SPMIP7: variants seen among roughly 807,000 people sequenced by gnomAD.
The protein encoded by SPMIP7 is sperm microtubule inner protein 7.
At chr7:50,108,083 G>A in the SPMIP7 span, among the ~76,000 whole-genome samples, 2 of 152,120 alleles carry the variant, frequency 1.3e-5, no homozygotes, top group Non-Finnish European at 2.9e-5. Context: ...AGGACATAAA[G>A]GAAGTTCTAC....
At chr7:50,113,771 C>A in the SPMIP7 span, among the ~76,000 whole-genome samples, 118,028 of 151,866 alleles carry the variant, frequency 0.78, 45,977 homozygotes, top group East Asian at 0.88. Flanking sequence ...CACAATGACA[C>A]AAATTGTTCC....
At chr7:50,156,736 G>A in the SPMIP7 span, among the ~76,000 whole-genome samples, 1 of 151,812 alleles carries the variant, frequency 6.6e-6, no homozygotes, top group Non-Finnish European at 1.5e-5. Flanking sequence ...TCTGAGCTCT[G>A]AGTCCTGTGG....
chr7:50,137,689 A>T, the SPMIP7 span, among the ~76,000 whole-genome samples: 13 of 152,286 alleles, frequency 8.5e-5, no homozygotes, highest in African/African-American at 2.9e-4. Flanking sequence ...TTTCAGATAA[A>T]AAAAAATCCA....
At chr7:50,101,255 T>C in the SPMIP7 span, among the ~76,000 whole-genome samples, 1 of 152,228 alleles carries the variant, frequency 6.6e-6, no homozygotes, top group African/African-American at 2.4e-5. Context: ...ATTAGTCCTC[T>C]TCAGAGTCTT....
At chr7:50,130,653 G>A in the SPMIP7 span, among the ~76,000 whole-genome samples, 1 of 152,056 alleles carries the variant, frequency 6.6e-6, no homozygotes, top group Non-Finnish European at 1.5e-5. Context: ...AGGTAGAACA[G>A]GACAAGATCA....
At chr7:50,117,165 A>C in the SPMIP7 span, 1 of 440,092 alleles carries the variant, frequency 2.3e-6, no homozygotes, top group Non-Finnish European at 4.5e-6. Flanking sequence ...GCCTTACAAC[A>C]GCCTTCAGTT....
the SPMIP7 span, chr7:50,140,253 G>A: frequency 1.4e-5 from 12 of 834,906 alleles, no homozygotes; most frequent in East Asian, 6.0e-5. Flanking sequence ...TTCAGCTCAC[G>A]CATGTTGTAT....
the SPMIP7 span, among the ~76,000 whole-genome samples, chr7:50,126,853 G>A: frequency 4.0e-5 from 6 of 151,556 alleles, no homozygotes; most frequent in Non-Finnish European, 8.8e-5. Context: ...AGTAGAAAAA[G>A]GTGAAAAAGG....
the SPMIP7 span, among the ~76,000 whole-genome samples, chr7:50,131,110 A>G: frequency 6.6e-6 from 1 of 152,148 alleles, no homozygotes; most frequent in Non-Finnish European, 1.5e-5. Context: ...GGGAGAGAAG[A>G]TGGAACACCA....
chr7:50,108,859 A>G, the SPMIP7 span, among the ~76,000 whole-genome samples: 3 of 152,212 alleles, frequency 2.0e-5, no homozygotes, highest in African/African-American at 4.8e-5. Context: ...TTATCAAAGT[A>G]CAGGGGATTG....
At chr7:50,148,201 G>A in the SPMIP7 span, among the ~76,000 whole-genome samples, 6 of 152,144 alleles carry the variant, frequency 3.9e-5, no homozygotes, top group African/African-American at 9.7e-5. Context: ...GAGGACTTTC[G>A]TTTTCAAATA....
At chr7:50,144,057 G>A in the SPMIP7 span, among the ~76,000 whole-genome samples, 3 of 152,062 alleles carry the variant, frequency 2.0e-5, no homozygotes, top group Non-Finnish European at 2.9e-5. Flanking sequence ...AGGATTCTGG[G>A]GTCAGAATAT....
the SPMIP7 span, among the ~76,000 whole-genome samples, chr7:50,116,315 A>G: frequency 6.6e-6 from 1 of 152,132 alleles, no homozygotes; most frequent in Non-Finnish European, 1.5e-5. Context: ...GGGTCTCCCC[A>G]TGTTGCCCAA....
chr7:50,122,491 A>G, the SPMIP7 span, among the ~76,000 whole-genome samples: 4 of 151,346 alleles, frequency 2.6e-5, no homozygotes, highest in Non-Finnish European at 5.9e-5. Context: ...ATTACCATTC[A>G]GGACATAGGC....
the SPMIP7 span, among the ~76,000 whole-genome samples, chr7:50,106,320 A>C: frequency 6.6e-6 from 1 of 152,180 alleles, no homozygotes; most frequent in South Asian, 2.1e-4. Flanking sequence ...ATAGAAGTAA[A>C]AGATCAGAAG....
the SPMIP7 span, chr7:50,121,352 A>G: frequency 2.0e-5 from 3 of 152,242 alleles, no homozygotes; most frequent in Non-Finnish European, 4.4e-5. Flanking sequence ...ACCAACTGCA[A>G]CCTAACAACT....
chr7:50,106,234 G>A, the SPMIP7 span, among the ~76,000 whole-genome samples: 1 of 152,226 alleles, frequency 6.6e-6, no homozygotes, highest in South Asian at 2.1e-4. Flanking sequence ...TAGCACTTAG[G>A]GCCACTGTGA....
the SPMIP7 span, chr7:50,096,158 G>A: frequency 6.4e-7 from 1 of 1,550,580 alleles, no homozygotes; most frequent in Non-Finnish European, 8.7e-7. Flanking sequence ...AGGAACTGTT[G>A]AGAATATAGA....
At chr7:50,134,678 C>A in the SPMIP7 span, among the ~76,000 whole-genome samples, 1 of 152,130 alleles carries the variant, frequency 6.6e-6, no homozygotes. Context: ...AGAGAAGATC[C>A]ATAGATTGCT....
Sources: allele counts gnomAD v4.1 joint callset (sites outside exome capture counted in the v4.1 genomes callset), GRCh38; gene constraint gnomAD v4.1.1; transcripts MANE v1.5; gene names NCBI Gene and HGNC (gene_info 2026-07-23, HGNC 2026-07-21).